The following CNGA4 variants were observed in gnomAD, a reference collection of about 807,000 sequenced individuals.
The protein encoded by CNGA4 is cyclic nucleotide-gated channel alpha-4.
Under a neutral mutation model 45.6 loss-of-function variants are expected in CNGA4, and 32 were observed. The ratio of observed to expected loss-of-function variants is 0.70; its 90% CI spans 0.53 to 0.94. CNGA4 has a LOEUF of 0.94. CNGA4 is among the 40% of genes least tolerant of loss of function. The pLI is 0.00. For synonymous variants in CNGA4, 293 were observed against 304.6 expected, an observed-to-expected ratio of 0.96 and a Z score of 0.40; for missense variants, 726 against 755.1, an observed-to-expected ratio of 0.96 and a Z score of 0.45.
rs137959615 is a variant in CNGA4 at position 6,241,827 on chromosome 11, G to T, written c.1267+47G>T. 205 of 1,565,974 alleles carry T rather than the reference G, an allele frequency of 1.3e-4. 1 individual carries two copies. In the East Asian group the frequency reaches 4.1e-3, roughly 31 times the overall value. On this transcript the variant is annotated intron_variant, in intron 5 of 5. Coordinates refer to ENST00000379936, the MANE Select transcript of CNGA4 (RefSeq NM_001037329.4). The stretch of plus-strand genomic sequence containing the variant: ...CCAGGGACAAGGATGGGTGGGGTAG[G>T]GGGGAACAGCAGAGCCCAGTGCTGG...
chr11:6,239,365 A>G lies in CNGA4; in HGVS notation c.63-19A>G. The G allele has an allele frequency of 1.2e-6, 2 of 1,613,798 alleles. No homozygotes were observed. The highest frequency in any genetic ancestry group is 1.1e-5 in the South Asian group (1 of 91,078). On this transcript the variant is annotated intron_variant, in intron 1 of 5. Transcript: ENST00000379936. ...TGAATGCCTGGTGAATAAATGAAGCAAGACTTTCTTTCTTACAGGAAGTTG... is the reference window on the plus strand; with the variant it reads ...TGAATGCCTGGTGAATAAATGAAGCGAGACTTTCTTTCTTACAGGAAGTTG...
chr11:6,239,085 T>A (rs1847871782), upstream of CNGA4: 1 of 1,567,162 alleles, frequency 6.4e-7, no homozygotes, highest in Non-Finnish European at 8.6e-7. Flanking sequence ...GACAAAGAAG[T>A]CACAGCAGAA....
In CNGA4 at chr11:6,244,291, G is replaced by C. The variant is rs771994676; in HGVS notation, c.1610G>C (p.Arg537Pro). 3 of 1,613,968 alleles carry C rather than the reference G, an allele frequency of 1.9e-6. No individual in the cohort carries two copies. Among genetic ancestry groups the C allele is most frequent in the South Asian group, 2.2e-5 (2 of 91,078 alleles). Residue 537 changes from arginine (R) to proline (P), a missense_variant, in exon 6 of 6, where the codon CGA becomes CCA. Arg to Pro is a moderately radical substitution (Grantham distance 103). Transcript: ENST00000379936. This position sits in a 1 kb window ranked among gnomAD's most constrained non-coding sequence, Gnocchi z 4.5. ...ATTGAACGGCTGGAGTGGCAGACTC[G>C]AGAGTGGCCAATGCCCGAGGACCTG... ...YRIERLEWQT[R>P]EWPMPEDLAE...
upstream of CNGA4, among the ~76,000 whole-genome samples, chr11:6,235,328 C>T (rs996481209): frequency 6.6e-6 from 1 of 152,180 alleles, no homozygotes; most frequent in South Asian, 2.1e-4. Flanking sequence ...GCTCCGTCAC[C>T]CCTTGAGCAC....
upstream of CNGA4, chr11:6,235,505 G>A (rs761323871): frequency 1.9e-5 from 19 of 985,308 alleles, no homozygotes; most frequent in Non-Finnish European, 2.2e-5. Context: ...CATGTATAGA[G>A]GATGAGAGGA....
chr11:6,238,931 C>T (rs565699681), upstream of CNGA4: 49 of 515,630 alleles, frequency 9.5e-5, no homozygotes, highest in African/African-American at 9.8e-4. Context: ...GCATGCACCC[C>T]CACCTTCTCC....
At position 6,240,683 on chromosome 11, in the gene CNGA4, C is replaced by T. The variant is rs774358048; in HGVS notation, c.889C>T (p.Arg297Cys). Reference protein sequence around the residue: ...KKYMKLQHVNRKLERRVIDWY... With the variant: ...KKYMKLQHVNCKLERRVIDWY... ...GTACATGAAGCTGCAGCACGTCAACCGCAAGCTGGAGCGGCGAGTTATTGA... is the reference window on the plus strand; with the variant it reads ...GTACATGAAGCTGCAGCACGTCAACTGCAAGCTGGAGCGGCGAGTTATTGA... The change falls in exon 4 of 6, where the codon CGC (arginine) becomes TGC (cysteine). Residue 297 changes from arginine to cysteine, a missense_variant. By Grantham distance (180) the Arg-to-Cys change is radical. Transcript: ENST00000379936. The surrounding 1 kb of genome is among the most constrained non-coding windows in gnomAD (Gnocchi z 4.9). 1.9e-6 allele frequency: 3 copies of T among 1,613,296 alleles called. No homozygotes were observed. Among genetic ancestry groups the T allele is most frequent in the East Asian group, 2.2e-5 (1 of 44,860 alleles).
At chr11:6,236,228 T>C (rs1847835973), upstream of CNGA4, among the ~76,000 whole-genome samples, 1 of 152,220 alleles carries the variant, frequency 6.6e-6, no homozygotes, top group Non-Finnish European at 1.5e-5. Flanking sequence ...CAGTACAGTG[T>C]GTCGGGAGCC....
chr11:6,235,206 T>G (rs1183828943), upstream of CNGA4, among the ~76,000 whole-genome samples: 1 of 152,194 alleles, frequency 6.6e-6, no homozygotes, highest in Non-Finnish European at 1.5e-5. Flanking sequence ...TAGAGAGGGC[T>G]GACTGCGGGC....
upstream of CNGA4, chr11:6,239,063 A>G: frequency 1.3e-6 from 2 of 1,522,900 alleles, no homozygotes; most frequent in Non-Finnish European, 1.8e-6. Flanking sequence ...TTGTGTTGCT[A>G]AGAGCCCCAA....
rs762897172 is a variant in CNGA4 at position 6,243,929 on chromosome 11, T to C, written c.1268-20T>C. On this transcript the variant is annotated intron_variant, in intron 5 of 5. Coordinates refer to ENST00000379936, the MANE Select transcript of CNGA4 (RefSeq NM_001037329.4). ...CACCCTCCTACTAACTGTCCTCCCA[T>C]CTCTGCCCATGAGCCACAGGGAACA... The C allele has an allele frequency of 1.2e-6, 2 of 1,605,768 alleles. No individual in the cohort carries two copies. The highest frequency in any genetic ancestry group is 2.7e-5 in the African/African-American group (2 of 74,700).
chr11:6,239,500 C>A lies in CNGA4; in HGVS notation c.164+15C>A. ...CTCGTGTGCAGGTATGGCAGCGGTG[C>A]TAAGGGAGGGGCTGGAAGCCAAAAA... On this transcript the variant is annotated intron_variant, in intron 2 of 5. Transcript: ENST00000379936. The A allele has an allele frequency of 1.9e-6, 3 of 1,612,706 alleles. No homozygotes were observed. The highest frequency in any genetic ancestry group is 1.7e-6 in the Non-Finnish European group (2 of 1,178,778).
chr11:6,240,303 C>G lies in CNGA4; in HGVS notation c.509C>G (p.Ala170Gly), dbSNP rs1385389400. ...GCTTACCCAAATGCCTTTCGCATTG[C>G]CAAGCTGATGCTTTACATTTTTGTC... is the stretch of plus-strand genomic sequence containing the variant. Reference protein sequence around the residue: ...RTAYPNAFRIAKLMLYIFVVI... With the variant: ...RTAYPNAFRIGKLMLYIFVVI... The change falls in exon 4 of 6, where the codon GCC (alanine) becomes GGC (glycine). Residue 170 changes from alanine (A) to glycine (G), a missense_variant. Ala to Gly is a moderately conservative substitution (Grantham distance 60). Transcript: ENST00000379936. This position sits in a 1 kb window ranked among gnomAD's most constrained non-coding sequence, Gnocchi z 4.9. 1 of 1,614,100 alleles carries G rather than the reference C, an allele frequency of 6.2e-7. No homozygotes were observed.
In CNGA4 at chr11:6,240,235, GC is replaced by G. The variant is rs1243193937; in HGVS notation, c.445del (p.Arg149AlafsTer24). 1 of 1,614,084 alleles carries G rather than the reference GC, an allele frequency of 6.2e-7. No individual in the cohort carries two copies. The highest frequency in any genetic ancestry group is 1.3e-5 in the African/African-American group (1 of 74,948). On this transcript the variant is annotated frameshift_variant, in exon 4 of 6. Coordinates refer to ENST00000379936, the MANE Select transcript of CNGA4 (RefSeq NM_001037329.4). LOFTEE classifies it high-confidence loss of function. The surrounding 1 kb of genome is among the most constrained non-coding windows in gnomAD (Gnocchi z 4.9). ...TGAGGCTGAACCGCTTTCTCCGCGC[GC>G]CCCGCCTCTTCGAGGCCTTCGACCG... ...TLRLNRFLRA[P>X]RLFEAFDRTE...
intron 4 of CNGA4, among the ~76,000 whole-genome samples, 193 bp from the exon 5 acceptor site, chr11:6,241,238 G>A (rs1423265092): frequency 6.6e-6 from 1 of 152,162 alleles, no homozygotes. Flanking sequence ...GATAGGAGGT[G>A]AAGGGTTATG....
downstream of CNGA4, chr11:6,244,539 G>C: frequency 1.3e-6 from 1 of 784,976 alleles, no homozygotes; most frequent in Non-Finnish European, 2.0e-6. This position sits in a 1 kb window ranked among gnomAD's most constrained non-coding sequence, Gnocchi z 4.5. Context: ...TAGATGCCCA[G>C]CTAGAGATAT....
At chr11:6,237,561 A>T (rs1406717942), upstream of CNGA4, among the ~76,000 whole-genome samples, 1 of 152,160 alleles carries the variant, frequency 6.6e-6, no homozygotes, top group Non-Finnish European at 1.5e-5. Flanking sequence ...CAAGAAAAAA[A>T]AAAAACACCA....
rs1408209770 is a variant in CNGA4 at position 6,240,113 on chromosome 11, AG to A, written c.320del (p.Ser107IlefsTer16). The A allele has an allele frequency of 6.2e-7, 1 of 1,613,894 alleles. No homozygotes were observed. The highest frequency in any genetic ancestry group is 8.5e-7 in the Non-Finnish European group (1 of 1,179,930). On this transcript the variant is annotated frameshift_variant, in exon 4 of 6. Coordinates refer to ENST00000379936, the MANE Select transcript of CNGA4 (RefSeq NM_001037329.4). LOFTEE classifies it high-confidence loss of function. The surrounding 1 kb of genome is among the most constrained non-coding windows in gnomAD (Gnocchi z 4.9). Reference sequence around the variant, plus strand: ...GGTGGTGGACAAGGGTAGGATCTCGAGTCGCTACGTTCGCACCTGGAGTTTC... The same window carrying A: ...GGTGGTGGACAAGGGTAGGATCTCGATCGCTACGTTCGCACCTGGAGTTTC... ...ILVVDKGRIS[S>X]RYVRTWSFFL...
At chr11:6,235,102 C>G (rs762672737), upstream of CNGA4, among the ~76,000 whole-genome samples, 2 of 152,074 alleles carry the variant, frequency 1.3e-5, no homozygotes, top group Non-Finnish European at 2.9e-5. Context: ...CCAGGAGACG[C>G]TTGGAGTGGA....
Sources: gnomAD v4.1 joint callset for allele counts (sites outside exome capture counted in the v4.1 genomes callset) on GRCh38, gnomAD v4.1.1 for gene constraint, Gnocchi (gnomAD v3.1) non-coding constraint, MANE v1.5 for transcripts, NCBI Gene and HGNC (gene_info 2026-07-23, HGNC 2026-07-21) for gene names.